Variants in DPF3 observed in about 807,000 individuals in gnomAD.
The protein encoded by DPF3 is double PHD fingers 3.
DPF3 carries 18 observed loss-of-function variants against 56.8 expected under a neutral mutation model. The ratio of observed to expected loss-of-function variants is 0.32; its 90% CI spans 0.22 to 0.47. The LOEUF is 0.47. Among genes scored for constraint, DPF3 ranks in the 20% least tolerant of loss-of-function variants. The pLI is 1.00. For synonymous variants in DPF3, 188 were observed against 180.2 expected (o/e 1.04, Z -0.35); for missense variants, 403 against 488.8 (o/e 0.82, Z 1.65).
At chr14:72,829,682 C>T (rs114096435) in intron 1 of DPF3, among the ~76,000 whole-genome samples, 182 of 152,132 alleles carry the variant, frequency 1.2e-3, no homozygotes, top group African/African-American at 4.2e-3. Context: ...CTGCATCTGG[C>T]CAACAGTATT....
chr14:72,861,170 C>A (rs1468909584), intron 1 of DPF3, among the ~76,000 whole-genome samples: 1 of 152,034 alleles, frequency 6.6e-6, no homozygotes, highest in African/African-American at 2.4e-5. Flanking sequence ...TCCTCCCTCC[C>A]TCTCTCGCTC....
At chr14:72,879,298 G>A (rs371950539) in intron 1 of DPF3, among the ~76,000 whole-genome samples, 3 of 151,702 alleles carry the variant, frequency 2.0e-5, no homozygotes, top group South Asian at 2.1e-4. Context: ...TAGGAGAATC[G>A]CTTGAACCCA....
chr14:72,826,527 A>G (rs1387800664), intron 1 of DPF3, among the ~76,000 whole-genome samples: 1 of 152,220 alleles, frequency 6.6e-6, no homozygotes, highest in East Asian at 1.9e-4. Flanking sequence ...AAAAGGAGGA[A>G]GAAGCCCTCT....
intron 8 of DPF3, among the ~76,000 whole-genome samples, chr14:72,666,235 A>G (rs1424313501): frequency 6.6e-6 from 1 of 152,208 alleles, no homozygotes; most frequent in African/African-American, 2.4e-5. Context: ...AACAGTGACC[A>G]TTTAGGAAGC....
intron 1 of DPF3, among the ~76,000 whole-genome samples, chr14:72,797,334 C>A (rs548631052): frequency 6.6e-6 from 1 of 152,236 alleles, no homozygotes; most frequent in East Asian, 1.9e-4. Flanking sequence ...GAATTGCCGA[C>A]CCACGGAATA....
chr14:72,620,892 G>C (rs1352849538), intron 9 of DPF3, among the ~76,000 whole-genome samples: 2 of 152,224 alleles, frequency 1.3e-5, no homozygotes, highest in Admixed American at 6.5e-5. Flanking sequence ...TGTAATCCCA[G>C]CACTTAGGGA....
At chr14:72,692,113 G>A (rs1047093241) in intron 7 of DPF3, among the ~76,000 whole-genome samples, 3 of 152,308 alleles carry the variant, frequency 2.0e-5, no homozygotes, top group East Asian at 1.9e-4. Context: ...TGACTAAGTC[G>A]TTGGCTAACA....
chr14:72,838,905 A>ATATATATATATTTTTTTTT, intron 1 of DPF3, among the ~76,000 whole-genome samples: 1 of 64,480 alleles, frequency 1.6e-5, no homozygotes, highest in Non-Finnish European at 2.8e-5. Flanking sequence ...TATCATATAT[A>ATATATATATATTTTTTTTT]TTCTTTTTTT....
rs1317133760 is a variant in DPF3 at position 72,637,993 on chromosome 14, A to T, written c.872-8257T>A. Among the ~76,000 whole-genome samples, 3 of 152,146 alleles carry T rather than the reference A, an allele frequency of 2.0e-5. No homozygotes were observed. The East Asian group carries it at 5.8e-4, about 29-fold the overall frequency. On this transcript the variant is annotated intron_variant, in intron 8 of 10. Coordinates refer to ENST00000556509, the MANE Select transcript of DPF3 (RefSeq NM_001280542.3). ...CAACCATACCACCCACCGCCATGCA[A>T]TAAGTTAGGCCTATACAGATGAGCT...
At chr14:72,791,310 TC>T (rs1374868678) in intron 1 of DPF3, among the ~76,000 whole-genome samples, 1 of 152,162 alleles carries the variant, frequency 6.6e-6, no homozygotes, top group African/African-American at 2.4e-5. Flanking sequence ...CTCCCCCAGG[TC>T]CCCCACCACT....
At position 72,619,078 on chromosome 14, in the gene DPF3, C is replaced by G. The variant is rs1884258140; in HGVS notation, c.*219G>C. On this transcript the variant is annotated 3_prime_UTR_variant, in exon 11 of 11. Coordinates refer to ENST00000556509, the MANE Select transcript of DPF3 (RefSeq NM_001280542.3). ...TGTTCTCCCAAAGTGCAACTTCCTTCCGGTAGAGACAAGGAGGTGCTGGCT... is the reference window on the plus strand; with the variant it reads ...TGTTCTCCCAAAGTGCAACTTCCTTGCGGTAGAGACAAGGAGGTGCTGGCT... Among the ~76,000 whole-genome samples the G allele has an allele frequency of 6.6e-6, 1 of 152,194 alleles. No individual in the cohort carries two copies. The highest frequency in any genetic ancestry group is 6.5e-5 in the Admixed American group (1 of 15,282).
intron 6 of DPF3, among the ~76,000 whole-genome samples, chr14:72,706,045 G>A (rs938123470): frequency 6.6e-6 from 1 of 152,210 alleles, no homozygotes; most frequent in African/African-American, 2.4e-5. Flanking sequence ...CCTCTCCCCA[G>A]TTTCCTTATC....
In DPF3 at chr14:72,661,928, G is replaced by C. The variant is rs538523188; in HGVS notation, c.871+12312C>G. The C allele has an allele frequency of 4.1e-6, 4 of 982,608 alleles. No homozygotes were observed. In the African/African-American group the frequency reaches 7.1e-5, roughly 17 times the overall value. 60.9% of individuals were successfully genotyped at this position (982,608 alleles called of 1,614,324 possible). On this transcript the variant is annotated intron_variant, in intron 8 of 10. Coordinates refer to ENST00000556509, the MANE Select transcript of DPF3 (RefSeq NM_001280542.3). Reference sequence around the variant, plus strand: ...GTGTTCGAATCTATTGAACTTGAGGGGATATATTCCATCAATAGATGGAAT... The same window carrying C: ...GTGTTCGAATCTATTGAACTTGAGGCGATATATTCCATCAATAGATGGAAT...
chr14:72,772,726 A>G (rs1376996188), intron 1 of DPF3, among the ~76,000 whole-genome samples: 1 of 152,252 alleles, frequency 6.6e-6, no homozygotes. Flanking sequence ...CCAAAAATGG[A>G]GCATTGATAT....
chr14:72,885,722 T>C (rs750910389), intron 1 of DPF3, among the ~76,000 whole-genome samples: 72 of 152,022 alleles, frequency 4.7e-4, no homozygotes, highest in Non-Finnish European at 1.3e-4. Context: ...AGTCCAAAAA[T>C]GAAGGAGACC....
chr14:72,804,180 G>GACAC (rs545355128), intron 1 of DPF3, among the ~76,000 whole-genome samples: 7,314 of 133,136 alleles, frequency 0.055, 266 homozygotes, highest in African/African-American at 0.099. Flanking sequence ...TGCTTTCCAG[G>GACAC]ACACACACAC....
At chr14:72,692,776 A>G (rs1887745313) in intron 7 of DPF3, among the ~76,000 whole-genome samples, 1 of 152,216 alleles carries the variant, frequency 6.6e-6, no homozygotes, top group South Asian at 2.1e-4. Flanking sequence ...AAAGAGTTGT[A>G]GGTCTGGCAT....
At chr14:72,666,227 C>G (rs1024024166) in intron 8 of DPF3, among the ~76,000 whole-genome samples, 3 of 152,228 alleles carry the variant, frequency 2.0e-5, no homozygotes, top group African/African-American at 7.2e-5. Context: ...ACCACAAAAA[C>G]AGTGACCATT....
intron 1 of DPF3, among the ~76,000 whole-genome samples, chr14:72,873,689 A>G (rs1026053094): frequency 2.0e-5 from 3 of 152,210 alleles, no homozygotes; most frequent in African/African-American, 7.2e-5. Context: ...TCCAACAATG[A>G]TAGACTGGAT....
Sources: allele counts gnomAD v4.1 joint callset (sites outside exome capture counted in the v4.1 genomes callset), GRCh38; gene constraint gnomAD v4.1.1; transcripts MANE v1.5; gene names NCBI Gene and HGNC (gene_info 2026-07-23, HGNC 2026-07-21).